The following SNRK variants were observed in gnomAD, a reference collection of about 807,000 sequenced individuals.
The protein encoded by SNRK is SNF related kinase.
Under a neutral mutation model 48.2 loss-of-function variants are expected in SNRK, and 3 were observed. That is an observed-to-expected ratio of 0.06 (90% confidence interval 0.03 to 0.16). SNRK has a LOEUF of 0.16. Among genes scored for constraint, SNRK ranks in the 10% least tolerant of loss-of-function variants. The pLI is 1.00. For missense variants in SNRK, 627 were observed against 976.0 expected (o/e 0.64, Z 4.76); for synonymous variants, 376 against 366.1 (o/e 1.03, Z -0.31).
intron 4 of SNRK, among the ~76,000 whole-genome samples, chr3:43,337,589 A>G (rs1043090542): frequency 6.6e-6 from 1 of 151,596 alleles, no homozygotes; most frequent in Non-Finnish European, 1.5e-5. Context: ...TTTTGTAGAG[A>G]TGGTGTATTA....
intron 1 of SNRK, 23 bp downstream of exon 1, chr3:43,286,698 G>T (rs1307418511): frequency 1.3e-5 from 2 of 149,072 alleles, no homozygotes; most frequent in African/African-American, 4.9e-5. Context: ...GCGGAGCGCG[G>T]CGGGGCGCGG....
chr3:43,337,523 A>G (rs2091200956), intron 4 of SNRK, among the ~76,000 whole-genome samples: 1 of 151,954 alleles, frequency 6.6e-6, no homozygotes, highest in East Asian at 1.9e-4. Flanking sequence ...CAGCCTCCCA[A>G]GTAGCTGGGA....
At chr3:43,312,568 A>G (rs2090986307) in intron 3 of SNRK, among the ~76,000 whole-genome samples, 1 of 152,216 alleles carries the variant, frequency 6.6e-6, no homozygotes, top group African/African-American at 2.4e-5. Flanking sequence ...CTTTCATCCT[A>G]AGTTGAGAAA....
intron 3 of SNRK, among the ~76,000 whole-genome samples, chr3:43,313,015 A>G (rs2090989956): frequency 6.6e-6 from 1 of 152,292 alleles, no homozygotes; most frequent in South Asian, 2.1e-4. Context: ...TCCTATCAAA[A>G]CTCTGCAGGG....
In SNRK at chr3:43,319,622, T is replaced by C. The variant is rs1446426764; in HGVS notation, c.590-12547T>C. Among the ~76,000 whole-genome samples, 4 of 152,294 alleles carry C rather than the reference T, an allele frequency of 2.6e-5. 1 individual carries two copies. The highest frequency in any genetic ancestry group is 6.5e-5 in the Admixed American group (1 of 15,294). On this transcript the variant is annotated intron_variant, in intron 3 of 6. Transcript: ENST00000296088. ...TGGCTCACTTGTCCCCCTTGCTCAA[T>C]AGTAAGGTCCTTGAGAGAGGGGACC... is the stretch of plus-strand genomic sequence containing the variant.
intron 4 of SNRK, among the ~76,000 whole-genome samples, chr3:43,339,687 G>A (rs1217221653): frequency 2.7e-5 from 4 of 150,756 alleles, no homozygotes; most frequent in Non-Finnish European, 4.4e-5. Flanking sequence ...GTGGTGGCAC[G>A]TGCCTGTAGT....
intron 4 of SNRK, among the ~76,000 whole-genome samples, chr3:43,336,898 GC>G (rs965806414): frequency 2.8e-4 from 43 of 151,940 alleles, no homozygotes; most frequent in African/African-American, 1.0e-3. Context: ...GACTACAGGC[GC>G]CCGCCATCAC....
At chr3:43,310,255 T>A (rs1303820856) in intron 3 of SNRK, among the ~76,000 whole-genome samples, 1 of 152,184 alleles carries the variant, frequency 6.6e-6, no homozygotes, top group Non-Finnish European at 1.5e-5. Flanking sequence ...GCCTTATTAT[T>A]TATTACCTTT....
At chr3:43,313,330 A>G (rs2090992255) in intron 3 of SNRK, among the ~76,000 whole-genome samples, 1 of 152,202 alleles carries the variant, frequency 6.6e-6, no homozygotes, top group East Asian at 1.9e-4. Flanking sequence ...ATCCTTCAAC[A>G]TGTTAATTGT....
Position 43,348,099 on chromosome 3 carries a change from G to A in SNRK, c.1840G>A (p.Gly614Ser). The change falls in exon 7 of 7, where the codon GGC (glycine) becomes AGC (serine). Residue 614 changes from glycine to serine, a missense_variant. Coordinates refer to ENST00000296088, the MANE Select transcript of SNRK (RefSeq NM_017719.5). ...GGGSPSSGSG[G>S]NPTNTSGTTR... ...GGGCAGTCCCTCCAGCGGCTCGGGT[G>A]GCAACCCCACCAATACATCGGGTAC... is the stretch of plus-strand genomic sequence containing the variant. 1 of 1,588,062 alleles carries A rather than the reference G, an allele frequency of 6.3e-7. No individual in the cohort carries two copies. The highest frequency in any genetic ancestry group is 8.6e-7 in the Non-Finnish European group (1 of 1,167,574).
intron 3 of SNRK, among the ~76,000 whole-genome samples, chr3:43,307,467 A>G (rs80010552): frequency 0.031 from 4,789 of 152,292 alleles, 245 homozygotes; most frequent in African/African-American, 0.11. Flanking sequence ...TTGCAACAGC[A>G]TATGCTGACA....
chr3:43,317,198 TC>T (rs1310969581), intron 3 of SNRK, among the ~76,000 whole-genome samples: 1 of 152,198 alleles, frequency 6.6e-6, no homozygotes, highest in Non-Finnish European at 1.5e-5. Context: ...TGTCTGAACT[TC>T]CTAATGGGGC....
At position 43,347,919 on chromosome 3, in the gene SNRK, C is replaced by T. The variant is rs745731005; in HGVS notation, c.1660C>T (p.Leu554Phe). 1 of 1,614,122 alleles carries T rather than the reference C, an allele frequency of 6.2e-7. No homozygotes were observed. The highest frequency in any genetic ancestry group is 8.5e-7 in the Non-Finnish European group (1 of 1,180,014). ...TGATGATTCTGAAAGCCGGCGGCGG[C>T]TCGATAAAGATAGCGGGTTCACCTA... is the stretch of plus-strand genomic sequence containing the variant. The part of the protein sequence containing the change: ...SDDDSESRRR[L>F]DKDSGFTYSW... The change falls in exon 7 of 7, where the codon CTC (leucine) becomes TTC (phenylalanine). Residue 554 changes from leucine (L) to phenylalanine (F), a missense_variant. Coordinates refer to ENST00000296088, the MANE Select transcript of SNRK (RefSeq NM_017719.5). This position sits in a 1 kb window ranked among gnomAD's most constrained non-coding sequence, Gnocchi z 5.4.
intron 5 of SNRK, 62 bp from the exon 6 acceptor site, chr3:43,343,280 TTC>T: frequency 6.6e-7 from 1 of 1,514,626 alleles, no homozygotes; most frequent in Non-Finnish European, 8.8e-7. Flanking sequence ...TAAAAATCAA[TTC>T]TGCTTCTTGT....
chr3:43,287,811 C>T (rs1481044184), intron 1 of SNRK, among the ~76,000 whole-genome samples: 1 of 152,084 alleles, frequency 6.6e-6, no homozygotes, highest in African/African-American at 2.4e-5. Context: ...CTTTAAAGCC[C>T]GGGTTGTCAA....
intron 4 of SNRK, 150 bp from the exon 5 acceptor site, chr3:43,340,137 A>G: frequency 1.5e-6 from 1 of 669,228 alleles, no homozygotes; most frequent in South Asian, 1.8e-5. Context: ...GTGGCACTAA[A>G]TTTTTATTAT....
At chr3:43,310,637 ATGATAATTTGGC>A (rs1385199450) in intron 3 of SNRK, among the ~76,000 whole-genome samples, 3 of 152,172 alleles carry the variant, frequency 2.0e-5, no homozygotes, top group African/African-American at 4.8e-5. Context: ...TCACATTTTA[ATGATAATTTGGC>A]TGGATATAGA....
intron 3 of SNRK, among the ~76,000 whole-genome samples, chr3:43,305,350 A>AT (rs1399550909): frequency 6.6e-6 from 1 of 152,206 alleles, no homozygotes; most frequent in Non-Finnish European, 1.5e-5. Flanking sequence ...CAGGGGAATA[A>AT]TTCGTTCAGT....
chr3:43,318,673 G>T (rs1162768771), intron 3 of SNRK, among the ~76,000 whole-genome samples: 1 of 151,878 alleles, frequency 6.6e-6, no homozygotes, highest in South Asian at 2.1e-4. Context: ...TGTGTTATTC[G>T]CATTGCATGT....
Sources: gnomAD v4.1 joint callset for allele counts (sites outside exome capture counted in the v4.1 genomes callset) on GRCh38, gnomAD v4.1.1 for gene constraint, Gnocchi (gnomAD v3.1) non-coding constraint, MANE v1.5 for transcripts, NCBI Gene and HGNC (gene_info 2026-07-23, HGNC 2026-07-21) for gene names.